The following CACHD1 variants were observed in gnomAD, a reference collection of about 807,000 sequenced individuals.
CACHD1 encodes cache domain containing 1, also known as VWFA and cache domain-containing protein 1.
Under a neutral mutation model 138.7 loss-of-function variants are expected in CACHD1, and 71 were observed. The ratio of observed to expected loss-of-function variants is 0.51; its 90% CI spans 0.42 to 0.62. The LOEUF is 0.62. CACHD1 is among the 20% of genes least tolerant of loss of function. The pLI is 0.00. For missense variants in CACHD1, 1,389 were observed against 1,625.3 expected, an observed-to-expected ratio of 0.85 and a Z score of 2.50; for synonymous variants, 578 against 591.5, an observed-to-expected ratio of 0.98 and a Z score of 0.33.
chr1:64,528,669 A>G (rs1021357824), intron 1 of CACHD1, among the ~76,000 whole-genome samples: 1 of 152,150 alleles, frequency 6.6e-6, no homozygotes, highest in Non-Finnish European at 1.5e-5. Flanking sequence ...TTTGTTTGAA[A>G]GAAATTTTCC....
intron 1 of CACHD1, among the ~76,000 whole-genome samples, chr1:64,517,226 A>G (rs1384040324): frequency 1.3e-5 from 2 of 152,202 alleles, no homozygotes; most frequent in African/African-American, 4.8e-5. Flanking sequence ...ATATTTTTTC[A>G]GTGTATACTA....
At chr1:64,622,806 T>C (rs1249778206) in intron 4 of CACHD1, among the ~76,000 whole-genome samples, 1 of 152,240 alleles carries the variant, frequency 6.6e-6, no homozygotes, top group East Asian at 1.9e-4. Flanking sequence ...TGAAACTGTT[T>C]TGTATGATGC....
intron 2 of CACHD1, among the ~76,000 whole-genome samples, chr1:64,566,167 G>C (rs1646878834): frequency 6.6e-6 from 1 of 152,100 alleles, no homozygotes; most frequent in Non-Finnish European, 1.5e-5. Context: ...ACATAGGTAT[G>C]TATTTATGTT....
At chr1:64,625,673 C>T (rs1033521690) in intron 4 of CACHD1, among the ~76,000 whole-genome samples, 4 of 151,542 alleles carry the variant, frequency 2.6e-5, no homozygotes, top group Non-Finnish European at 4.4e-5. Context: ...GTATAATGTA[C>T]GCTATTCATG....
intron 1 of CACHD1, among the ~76,000 whole-genome samples, chr1:64,496,574 C>T (rs1213555872): frequency 6.6e-6 from 1 of 152,150 alleles, no homozygotes; most frequent in Non-Finnish European, 1.5e-5. Flanking sequence ...TCTTATCCTA[C>T]TTGAAACTTA....
At chr1:64,655,128 G>A (rs900760069) in intron 12 of CACHD1, among the ~76,000 whole-genome samples, 10 of 152,126 alleles carry the variant, frequency 6.6e-5, no homozygotes, top group African/African-American at 2.4e-4. Context: ...TTAGCCAGAC[G>A]TGGTGACACA....
At chr1:64,566,414 G>A (rs1195650113) in intron 2 of CACHD1, among the ~76,000 whole-genome samples, 1 of 147,344 alleles carries the variant, frequency 6.8e-6, no homozygotes. Flanking sequence ...CCCAAGTAGG[G>A]GGTTAGAGAA....
At chr1:64,678,057 A>C (rs1326080559) in intron 22 of CACHD1, 102 bp from the exon 23 acceptor site, 3 of 1,189,084 alleles carry the variant, frequency 2.5e-6, no homozygotes, top group Non-Finnish European at 3.5e-6. Context: ...TCACAGCACT[A>C]GTAAGTAATG....
intron 1 of CACHD1, among the ~76,000 whole-genome samples, chr1:64,542,007 G>A (rs1007100160): frequency 6.6e-6 from 1 of 151,618 alleles, no homozygotes; most frequent in Non-Finnish European, 1.5e-5. Flanking sequence ...TTAATAGAAT[G>A]TTATTATAGT....
chr1:64,674,970 T>G (rs1184656542), intron 19 of CACHD1, among the ~76,000 whole-genome samples: 1 of 152,204 alleles, frequency 6.6e-6, no homozygotes, highest in Non-Finnish European at 1.5e-5. Flanking sequence ...GGAAAAAGGT[T>G]CATCACCCAA....
intron 4 of CACHD1, among the ~76,000 whole-genome samples, 185 bp downstream of exon 4, chr1:64,603,097 A>AT (rs1557514804): frequency 7.4e-6 from 1 of 134,840 alleles, no homozygotes. Context: ...TCAAGCTTAC[A>AT]TCTTTTTTTT....
chr1:64,513,198 C>G (rs1440544743), intron 1 of CACHD1, among the ~76,000 whole-genome samples: 4 of 152,158 alleles, frequency 2.6e-5, no homozygotes, highest in Non-Finnish European at 5.9e-5. Flanking sequence ...GTGACGATGG[C>G]AGGGGAGGGG....
intron 7 of CACHD1, among the ~76,000 whole-genome samples, chr1:64,636,360 C>T (rs573602749): frequency 6.6e-6 from 1 of 152,254 alleles, no homozygotes; most frequent in African/African-American, 2.4e-5. Flanking sequence ...TTACCACAAA[C>T]TTAGCAGTTT....
At chr1:64,636,912 T>C (rs908329282) in intron 7 of CACHD1, among the ~76,000 whole-genome samples, 12 of 152,186 alleles carry the variant, frequency 7.9e-5, no homozygotes, top group Admixed American at 4.6e-4. Flanking sequence ...ACATCCTGTA[T>C]ATTCAGCAGT....
At chr1:64,642,597 CT>C (rs1648755330) in intron 8 of CACHD1, among the ~76,000 whole-genome samples, 1 of 152,140 alleles carries the variant, frequency 6.6e-6, no homozygotes, top group African/African-American at 2.4e-5. Flanking sequence ...CATTTTTTCC[CT>C]TCTGCTATTC....
intron 3 of CACHD1, among the ~76,000 whole-genome samples, chr1:64,595,052 A>G (rs1233908876): frequency 6.6e-6 from 1 of 152,200 alleles, no homozygotes; most frequent in Non-Finnish European, 1.5e-5. Flanking sequence ...TCTTTAACAG[A>G]ACAGGGAGAT....
At chr1:64,475,226 T>C (rs1646168191) in intron 1 of CACHD1, among the ~76,000 whole-genome samples, 1 of 136,634 alleles carries the variant, frequency 7.3e-6, no homozygotes, top group Admixed American at 8.5e-5. Flanking sequence ...TCACCTAGGC[T>C]GGAGTGCAGT....
chr1:64,532,683 A>G (rs940559150), intron 1 of CACHD1, among the ~76,000 whole-genome samples: 2 of 152,132 alleles, frequency 1.3e-5, no homozygotes, highest in Non-Finnish European at 2.9e-5. Context: ...TGGAACCAAG[A>G]TAGGACTTGG....
chr1:64,471,631 T>G (rs563024682), intron 1 of CACHD1, among the ~76,000 whole-genome samples: 1 of 152,372 alleles, frequency 6.6e-6, no homozygotes, highest in South Asian at 2.1e-4. Flanking sequence ...GGACTCTTTT[T>G]GTTGCTTTCC....
Sources: allele counts gnomAD v4.1 joint callset (sites outside exome capture counted in the v4.1 genomes callset), GRCh38; gene constraint gnomAD v4.1.1; transcripts MANE v1.5; gene names NCBI Gene and HGNC (gene_info 2026-07-23, HGNC 2026-07-21).